SPAG7: variants seen among roughly 807,000 people sequenced by gnomAD.
The protein encoded by SPAG7 is sperm-associated antigen 7.
SPAG7 carries 20 observed loss-of-function variants against 30.6 expected under a neutral mutation model. The ratio of observed to expected loss-of-function variants is 0.65; its 90% CI spans 0.46 to 0.95. The LOEUF (loss-of-function observed/expected upper bound fraction) is 0.95. SPAG7 is among the 40% of genes least tolerant of loss of function. The probability of loss-of-function intolerance (pLI) is 0.00; values close to 1 mark genes in which losing one functional copy is unlikely to be tolerated. For missense variants in SPAG7, 276 were observed against 291.1 expected, an observed-to-expected ratio of 0.95 and a Z score of 0.38; for synonymous variants, 127 against 104.2, an observed-to-expected ratio of 1.22 and a Z score of -1.33.
At chr17:4,962,965 T>G (rs1339075504) in intron 1 of SPAG7, among the ~76,000 whole-genome samples, 2 of 151,944 alleles carry the variant, frequency 1.3e-5, no homozygotes, top group African/African-American at 2.4e-5. Context: ...AGATGGGGTC[T>G]CAGTTTGTTG....
chr17:4,960,194 CA>C (rs772947943), intron 4 of SPAG7, 39 bp downstream of exon 4: 6 of 1,606,444 alleles, frequency 3.7e-6, no homozygotes, highest in Non-Finnish European at 5.1e-6. Context: ...GATAAGGCTA[CA>C]AAGGGGAGAG....
chr17:4,967,616 G>C lies in SPAG7; in HGVS notation c.85+104C>G, dbSNP rs1232938715. 12 of 874,530 alleles carry C rather than the reference G, an allele frequency of 1.4e-5. No individual in the cohort carries two copies. The Middle Eastern group carries it at 6.7e-4, about 49-fold the overall frequency. 54.2% of individuals were successfully genotyped at this position (874,530 alleles called of 1,614,324 possible). ...ACTCTGAGGGTCTCGGAAGGGGCCT[G>C]TGAGGGGTCTTTCAAGGTTGAGGAG... On this transcript the variant is annotated intron_variant, in intron 1 of 6. Coordinates refer to ENST00000206020, the MANE Select transcript of SPAG7 (RefSeq NM_004890.3).
chr17:4,966,572 G>C, intron 1 of SPAG7: 1 of 984,592 alleles, frequency 1.0e-6, no homozygotes, highest in African/African-American at 1.7e-5. Flanking sequence ...TGCCTGTAAC[G>C]CTTTGCTTCT....
chr17:4,962,621 G>A (rs979880884), intron 1 of SPAG7, among the ~76,000 whole-genome samples: 4 of 152,060 alleles, frequency 2.6e-5, no homozygotes, highest in East Asian at 1.9e-4. Flanking sequence ...GTCTCACTAT[G>A]TTGCCCAGGA....
rs373049408 is a variant in SPAG7, at chr17:4,959,821, G to A, written c.513C>T (p.Ile171=). ...SDYKDKYSHL[I]GKGAAKDAAH... ...CTGCGTCTTTGGCTGCTCCCTTGCC[G>A]ATGAGGTGGCTGTACTTGTCCTTGT... Residue 171 remains isoleucine, a synonymous_variant, in exon 6 of 7, where the codon ATC becomes ATT. Transcript: ENST00000206020. The A allele has an allele frequency of 2.8e-5, 45 of 1,613,986 alleles. No homozygotes were observed. The highest frequency in any genetic ancestry group is 1.6e-4 in the Middle Eastern group (1 of 6,082).
chr17:4,967,742 C>T lies in SPAG7; in HGVS notation c.63G>A (p.Gln21=), dbSNP rs760071088. The change falls in exon 1 of 7, where the codon CAG becomes CAA. Residue 21 remains glutamine (Q), a synonymous_variant. Transcript: ENST00000206020. The part of the protein sequence containing the change: ...SMEKPPSLGD[Q]ETRRKAREQA... ...CACCTCGGGCCTTGCGCCGAGTCTC[C>T]TGGTCACCGAGGCTGGGTGGCTTCT... is the stretch of plus-strand genomic sequence containing the variant. 1.2e-5 allele frequency: 20 copies of T among 1,613,964 alleles called. No individual in the cohort carries two copies. The highest frequency in any genetic ancestry group is 1.6e-5 in the Non-Finnish European group (19 of 1,179,954).
rs1315433248 is a variant in SPAG7, at chr17:4,960,265, T to C, written c.296A>G (p.Asp99Gly). The C allele has an allele frequency of 4.3e-6, 7 of 1,614,026 alleles. No homozygotes were observed. Among genetic ancestry groups the C allele is most frequent in the Non-Finnish European group, 5.9e-6 (7 of 1,180,022 alleles). Residue 99 changes from aspartate (D) to glycine (G), a missense_variant, in exon 4 of 7, where the codon GAT becomes GGT. Asp to Gly is a moderately conservative substitution (Grantham distance 94, BLOSUM62 -1). Transcript: ENST00000206020. ...GAAGATCATGACATAGCGACAGTCATCATCTTCCCCAAAGGAGAAGGATGT... is the reference window on the plus strand; with the variant it reads ...GAAGATCATGACATAGCGACAGTCACCATCTTCCCCAAAGGAGAAGGATGT... ...GLTSFSFGED[D>G]DCRYVMIFKK...
At chr17:4,960,189 G>C (rs1455708438) in intron 4 of SPAG7, 45 bp downstream of exon 4, 1 of 1,602,930 alleles carries the variant, frequency 6.2e-7, no homozygotes, top group South Asian at 1.1e-5. Flanking sequence ...GGGGGGATAA[G>C]GCTACAAAGG....
At position 4,964,447 on chromosome 17, in the gene SPAG7, C is replaced by T. The variant is rs368475696; in HGVS notation, c.85+3273G>A. 5.4e-5 allele frequency among the ~76,000 whole-genome samples: 8 copies of T among 149,116 alleles called. No homozygotes were observed. The East Asian group carries it at 1.0e-3, about 19-fold the overall frequency. ...CGCAATCTCCGCTCACTGCAAGCTC[C>T]GCCTCCCGGGTTCACGCCATTCTCC... is the stretch of plus-strand genomic sequence containing the variant. On this transcript the variant is annotated intron_variant, in intron 1 of 6. Coordinates refer to ENST00000206020, the MANE Select transcript of SPAG7 (RefSeq NM_004890.3).
At chr17:4,962,743 T>A (rs1971883816) in intron 1 of SPAG7, among the ~76,000 whole-genome samples, 1 of 151,852 alleles carries the variant, frequency 6.6e-6, no homozygotes. Context: ...AGAGACGGGG[T>A]TTCACTATGT....
Position 4,959,852 on chromosome 17 carries a change from C to T in SPAG7, c.482G>A (p.Ser161Asn), listed in dbSNP as rs1273912203. 9 of 1,614,064 alleles carry T rather than the reference C, an allele frequency of 5.6e-6. No homozygotes were observed. Among genetic ancestry groups the T allele is most frequent in the Non-Finnish European group, 7.6e-6 (9 of 1,180,032 alleles). Residue 161 changes from serine (S) to asparagine (N), a missense_variant, in exon 6 of 7, where the codon AGC becomes AAC. By Grantham distance (46) the Ser-to-Asn change is conservative. Transcript: ENST00000206020. ...GTGGCTGTACTTGTCCTTGTAGTCGCTGGCAGGGCTCACCACCACAGGCCC... is the reference window on the plus strand; with the variant it reads ...GTGGCTGTACTTGTCCTTGTAGTCGTTGGCAGGGCTCACCACCACAGGCCC... Reference protein sequence around the residue: ...QQGPVVVSPASDYKDKYSHLI... With the variant: ...QQGPVVVSPANDYKDKYSHLI...
rs1567678559 is a variant in SPAG7 at position 4,967,714 on chromosome 17, C to G, written c.85+6G>C. 6.2e-7 allele frequency: 1 copy of G among 1,611,630 alleles called. No individual in the cohort carries two copies. Among genetic ancestry groups the G allele is most frequent in the Non-Finnish European group, 8.5e-7 (1 of 1,177,798 alleles). On this transcript the variant is annotated splice_donor_region_variant and intron_variant, in intron 1 of 6. Coordinates refer to ENST00000206020, the MANE Select transcript of SPAG7 (RefSeq NM_004890.3). Reference sequence around the variant, plus strand: ...AGGAAGGCGGTTGTGAATTTGGGATCCTCACCTCGGGCCTTGCGCCGAGTC... The same window carrying G: ...AGGAAGGCGGTTGTGAATTTGGGATGCTCACCTCGGGCCTTGCGCCGAGTC...
Position 4,967,679 on chromosome 17 carries a change from A to G in SPAG7, c.85+41T>C, listed in dbSNP as rs201057121. The G allele has an allele frequency of 2.6e-4, 387 of 1,486,050 alleles. 1 individual carries two copies. The highest frequency in any genetic ancestry group is 4.0e-5 in the Non-Finnish European group (43 of 1,063,816). The allele number at this position is 1,486,050 out of a possible 1,614,324, so 92.1% of individuals were successfully genotyped here. ...AAAGAGGGAGAAGTATGGTCCCGAG[A>G]ACCGGGCGAAGGAAGGCGGTTGTGA... On this transcript the variant is annotated intron_variant, in intron 1 of 6. Coordinates refer to ENST00000206020, the MANE Select transcript of SPAG7 (RefSeq NM_004890.3).
At position 4,959,896 on chromosome 17, in the gene SPAG7, C is replaced by T. The variant is rs1413752005; in HGVS notation, c.438G>A (p.Glu146=). ...CAGGCCCCTGCTGGGCTGCCTCCTC[C>T]TCTTGCCTCTGGGCCAGCTCCTAGG... ...RKLKELAQRQ[E]EEAAQQGPVV... The change falls in exon 6 of 7, where the codon GAG becomes GAA. Residue 146 remains glutamate, a synonymous_variant. Coordinates refer to ENST00000206020, the MANE Select transcript of SPAG7 (RefSeq NM_004890.3). The T allele has an allele frequency of 1.2e-6, 2 of 1,613,614 alleles. No individual in the cohort carries two copies. The highest frequency in any genetic ancestry group is 1.7e-6 in the Non-Finnish European group (2 of 1,179,996).
rs1448687515 is a variant in SPAG7, at chr17:4,959,451, C to T, written c.*83G>A. On this transcript the variant is annotated 3_prime_UTR_variant, in exon 7 of 7. Coordinates refer to ENST00000206020, the MANE Select transcript of SPAG7 (RefSeq NM_004890.3). ...AGGAGGTGGTTCAGAGGTGGGGCTC[C>T]AGGATGGGCTCTAATAGCAGCAGCC... The T allele has an allele frequency of 1.4e-5, 16 of 1,103,712 alleles. No individual in the cohort carries two copies. Among genetic ancestry groups the T allele is most frequent in the Non-Finnish European group, 2.7e-6 (2 of 740,156 alleles). 68.4% of individuals were successfully genotyped at this position (1,103,712 alleles called of 1,614,324 possible). A position where few individuals can be genotyped will look rare whatever the true frequency, so the allele number is the denominator to read the frequency against.
Position 4,967,750 on chromosome 17 carries a change from C to T in SPAG7, c.55G>A (p.Gly19Ser). Residue 19 changes from glycine to serine, a missense_variant, in exon 1 of 7, where the codon GGT becomes AGT. Coordinates refer to ENST00000206020, the MANE Select transcript of SPAG7 (RefSeq NM_004890.3). ...LSSMEKPPSL[G>S]DQETRRKARE... is the part of the protein sequence containing the mutation. ...GCCTTGCGCCGAGTCTCCTGGTCAC[C>T]GAGGCTGGGTGGCTTCTCCATGGAG... 1.9e-6 allele frequency: 3 copies of T among 1,614,094 alleles called. No individual in the cohort carries two copies. The highest frequency in any genetic ancestry group is 2.5e-6 in the Non-Finnish European group (3 of 1,179,976).
At chr17:4,966,886 G>A in intron 1 of SPAG7, 2 of 985,536 alleles carry the variant, frequency 2.0e-6, no homozygotes, top group Non-Finnish European at 2.4e-6. Context: ...GGGGAGCTGG[G>A]ACAGGGCTCG....
At chr17:4,961,655 C>T (rs1490150614) in intron 1 of SPAG7, among the ~76,000 whole-genome samples, 5 of 147,936 alleles carry the variant, frequency 3.4e-5, no homozygotes, top group African/African-American at 5.0e-5. Flanking sequence ...GTCCCCACTA[C>T]TCGGGAGGCT....
intron 5 of SPAG7, 37 bp downstream of exon 5, chr17:4,959,985 G>C: frequency 6.2e-7 from 1 of 1,613,558 alleles, no homozygotes; most frequent in South Asian, 1.1e-5. Flanking sequence ...CCAGGTGGTG[G>C]GCTTCTGGAC....
Sources: allele counts gnomAD v4.1 joint callset (sites outside exome capture counted in the v4.1 genomes callset), GRCh38; gene constraint gnomAD v4.1.1; transcripts MANE v1.5; gene names NCBI Gene and HGNC (gene_info 2026-07-23, HGNC 2026-07-21).